Variants in RUBCNL observed in about 807,000 individuals in gnomAD.
RUBCNL encodes protein associated with UVRAG as autophagy enhancer.
A neutral mutation model predicts 69.5 loss-of-function variants in RUBCNL; 62 were observed. That is an observed-to-expected ratio of 0.89 (90% CI 0.73 to 1.10). The LOEUF is 1.10. Among genes scored for constraint, RUBCNL ranks in the 50% least tolerant of loss-of-function variants. RUBCNL has a pLI of 0.00. For missense variants in RUBCNL, 768 were observed against 798.1 expected, an observed-to-expected ratio of 0.96 and a Z score of 0.45; for synonymous variants, 291 against 303.6, an observed-to-expected ratio of 0.96 and a Z score of 0.43.
intron 4 of RUBCNL, chr13:46,368,489 C>T: frequency 2.0e-6 from 2 of 985,346 alleles, no homozygotes; most frequent in Non-Finnish European, 2.4e-6. Context: ...TATACAAAAC[C>T]TTAGGTTGGG....
In RUBCNL at chr13:46,338,411, G is replaced by A. The variant is rs553517996; in HGVS notation, c.*4974C>T. On this transcript the variant is annotated 3_prime_UTR_variant, in exon 15 of 15. Transcript: ENST00000429979. ...GCAGCTGCCCCTTGGCTGCCTCTTG[G>A]TCTTAGCAGCGCAGTTCACTTTCAG... is the stretch of plus-strand genomic sequence containing the variant. Among the ~76,000 whole-genome samples the A allele has an allele frequency of 2.6e-5, 4 of 152,168 alleles. No homozygotes were observed. In the East Asian group the frequency reaches 7.8e-4, roughly 30 times the overall value.
chr13:46,372,538 T>C lies in RUBCNL; in HGVS notation c.-63A>G, dbSNP rs1280923497. The C allele has an allele frequency of 1.1e-5, 17 of 1,518,588 alleles. No homozygotes were observed. Among genetic ancestry groups the C allele is most frequent in the Non-Finnish European group, 1.5e-5 (17 of 1,129,224 alleles). 94.1% of individuals were successfully genotyped at this position (1,518,588 alleles called of 1,614,324 possible). A position where few individuals can be genotyped will look rare whatever the true frequency, so the allele number is the denominator to read the frequency against. On this transcript the variant is annotated 5_prime_UTR_variant, in exon 3 of 15. Transcript: ENST00000429979. ...CAGATAGGAGTTCCCTGATTGCTGG[T>C]ACTACTTGATTTGGGCCCTGAACTC...
chr13:46,354,984 A>G (rs2048452767), intron 10 of RUBCNL: 1 of 347,754 alleles, frequency 2.9e-6, no homozygotes, highest in Middle Eastern at 6.2e-4. Flanking sequence ...CATGTTCCCC[A>G]CTAGATGTGC....
chr13:46,358,980 CT>C (rs1160607846), intron 9 of RUBCNL, among the ~76,000 whole-genome samples: 1 of 151,902 alleles, frequency 6.6e-6, no homozygotes, highest in Non-Finnish European at 1.5e-5. Flanking sequence ...GTGGTCCAGT[CT>C]TTTAAAATTA....
At chr13:46,348,510 CAT>C (rs572259856) in intron 12 of RUBCNL, among the ~76,000 whole-genome samples, 23 of 152,170 alleles carry the variant, frequency 1.5e-4, no homozygotes, top group South Asian at 1.5e-3. Flanking sequence ...ATAATTCCCA[CAT>C]GTCATGGAAG....
chr13:46,365,693 G>A (rs1410922826), intron 5 of RUBCNL, among the ~76,000 whole-genome samples: 1 of 152,180 alleles, frequency 6.6e-6, no homozygotes, highest in Non-Finnish European at 1.5e-5. Context: ...ACACAGTCTA[G>A]TTCAACTACA....
chr13:46,377,905 C>T lies in RUBCNL; in HGVS notation c.-138G>A. On this transcript the variant is annotated 5_prime_UTR_variant, in exon 2 of 15. Transcript: ENST00000429979. ...GGACACTCACCAGGAGTATGAATTT[C>T]TCGAAGAGGCAGATTGACACAGAGG... 1 of 1,607,408 alleles carries T rather than the reference C, an allele frequency of 6.2e-7. No individual in the cohort carries two copies. Among genetic ancestry groups the T allele is most frequent in the Non-Finnish European group, 8.5e-7 (1 of 1,176,528 alleles).
In RUBCNL at chr13:46,335,251, GTTGTTGTTGTT is replaced by G. The variant is rs1343410225; in HGVS notation, c.*8123_*8133del. On this transcript the variant is annotated 3_prime_UTR_variant, in exon 15 of 15. Transcript: ENST00000429979. ...AGCTAATTTGTGTCTTTTTGTTGTT[GTTGTTGTTGTT>G]TTTTTTTTTTTTTTTTTTTTTTTAA... Among the ~76,000 whole-genome samples the G allele has an allele frequency of 9.7e-6, 1 of 103,366 alleles. No homozygotes were observed. Among genetic ancestry groups the G allele is most frequent in the East Asian group, 3.5e-4 (1 of 2,876 alleles). The allele number at this position is 103,366 out of a possible 152,430, so 67.8% of individuals were successfully genotyped here.
intron 8 of RUBCNL, among the ~76,000 whole-genome samples, chr13:46,361,135 G>C (rs562490202): frequency 6.6e-6 from 1 of 152,332 alleles, no homozygotes; most frequent in Non-Finnish European, 1.5e-5. Flanking sequence ...TGAGGCAGGA[G>C]AATCGCTTGA....
intron 14 of RUBCNL, among the ~76,000 whole-genome samples, chr13:46,344,364 G>A (rs1387138417): frequency 6.6e-6 from 1 of 152,170 alleles, no homozygotes; most frequent in Non-Finnish European, 1.5e-5. Flanking sequence ...AGGGCCATGT[G>A]GTCTCTACAA....
chr13:46,377,862 A>G, intron 2 of RUBCNL, 28 bp downstream of exon 2: 1 of 1,370,532 alleles, frequency 7.3e-7, no homozygotes, highest in East Asian at 2.3e-5. Context: ...TGGCAGAGAG[A>G]AGACAAAAGG....
chr13:46,382,851 T>TC (rs369374043), intron 1 of RUBCNL, among the ~76,000 whole-genome samples: 177 of 152,290 alleles, frequency 1.2e-3, no homozygotes, highest in African/African-American at 3.9e-3. Flanking sequence ...TGCTTATCTT[T>TC]CAACCAGTGC....
rs2048849819 is a variant in RUBCNL, at chr13:46,370,293, A to T, written c.536-1478T>A. 2.6e-5 allele frequency among the ~76,000 whole-genome samples: 4 copies of T among 152,230 alleles called. No individual in the cohort carries two copies. The South Asian group carries it at 6.2e-4, about 24-fold the overall frequency. On this transcript the variant is annotated intron_variant, in intron 3 of 14. Transcript: ENST00000429979. ...TGTGTAGTTCCTATGCCAACAAAAT[A>T]AACTGTGGAATCCCTTCCTACAGCC...
chr13:46,376,266 T>G (rs907571562), intron 2 of RUBCNL, among the ~76,000 whole-genome samples: 2 of 152,126 alleles, frequency 1.3e-5, no homozygotes, highest in African/African-American at 4.8e-5. Context: ...ACTCTATGTG[T>G]GTGTGTATAT....
At chr13:46,384,498 A>G (rs2049192492) in intron 1 of RUBCNL, among the ~76,000 whole-genome samples, 1 of 152,122 alleles carries the variant, frequency 6.6e-6, no homozygotes. Context: ...TTACTCTACA[A>G]TTTTCATCAT....
intron 10 of RUBCNL, among the ~76,000 whole-genome samples, chr13:46,353,685 T>C (rs1039299786): frequency 6.6e-6 from 1 of 152,178 alleles, no homozygotes; most frequent in Non-Finnish European, 1.5e-5. Flanking sequence ...GAAATCCTGC[T>C]CCAAAACACA....
chr13:46,343,528 C>G, intron 14 of RUBCNL, 31 bp from the exon 15 acceptor site: 1 of 1,603,174 alleles, frequency 6.2e-7, no homozygotes, highest in Non-Finnish European at 8.5e-7. Context: ...CGTTAGCAAA[C>G]GGTCTATCTT....
chr13:46,360,511 G>T (rs1335146007), intron 8 of RUBCNL, among the ~76,000 whole-genome samples: 1 of 152,068 alleles, frequency 6.6e-6, no homozygotes, highest in Non-Finnish European at 1.5e-5. Context: ...CTGCTCAACG[G>T]CATAGCATGC....
chr13:46,359,208 T>C (rs1489891677), intron 9 of RUBCNL, among the ~76,000 whole-genome samples: 2 of 152,100 alleles, frequency 1.3e-5, no homozygotes, highest in African/African-American at 4.8e-5. Flanking sequence ...TTTAAGCCTA[T>C]TTAATTTTCA....
Sources: gnomAD v4.1 joint callset for allele counts (sites outside exome capture counted in the v4.1 genomes callset) on GRCh38, gnomAD v4.1.1 for gene constraint, MANE v1.5 for transcripts, NCBI Gene and HGNC (gene_info 2026-07-23, HGNC 2026-07-21) for gene names.